The following MTA3 variants were observed in gnomAD, a reference collection of about 807,000 sequenced individuals.
The protein encoded by MTA3 is metastasis-associated protein MTA3.
In MTA3, 34 loss-of-function variants were observed where a neutral mutation model predicts 83.5. The ratio of observed to expected loss-of-function variants is 0.41; its 90% CI spans 0.31 to 0.54. The LOEUF is 0.54. Among genes scored for constraint, MTA3 ranks in the 20% least tolerant of loss-of-function variants. MTA3 has a pLI of 0.33. For missense variants in MTA3, 761 were observed against 726.4 expected (o/e 1.05, Z -0.55); for synonymous variants, 303 against 252.7 (o/e 1.20, Z -1.89).
chr2:42,572,981 G>A (rs1461002470), intron 2 of MTA3, among the ~76,000 whole-genome samples: 2 of 152,122 alleles, frequency 1.3e-5, no homozygotes, highest in Non-Finnish European at 1.5e-5. Flanking sequence ...ACCCGCCCCA[G>A]CCTCCCAAAG....
At chr2:42,558,713 ATT>A (rs894258388) in intron 2 of MTA3, among the ~76,000 whole-genome samples, 1 of 139,952 alleles carries the variant, frequency 7.1e-6, no homozygotes, top group Admixed American at 7.3e-5. Flanking sequence ...ACGCCCCGCT[ATT>A]TTTTTTTTTT....
intron 4 of MTA3, among the ~76,000 whole-genome samples, chr2:42,621,987 A>G (rs1274655505): frequency 5.9e-5 from 9 of 152,040 alleles, no homozygotes; most frequent in African/African-American, 2.2e-4. Context: ...GACGCTCCTC[A>G]CTTCCCAGAC....
At chr2:42,639,858 G>A (rs1194959183) in intron 4 of MTA3, among the ~76,000 whole-genome samples, 2 of 152,084 alleles carry the variant, frequency 1.3e-5, no homozygotes, top group Admixed American at 6.6e-5. Flanking sequence ...CTCTTAGTCT[G>A]AAGTTCTCAT....
chr2:42,706,661 T>C (rs544627570), intron 12 of MTA3, among the ~76,000 whole-genome samples: 1 of 152,358 alleles, frequency 6.6e-6, no homozygotes, highest in African/African-American at 2.4e-5. Context: ...TCAACCTCAA[T>C]GTTTTCTCTT....
chr2:42,613,288 C>A (rs1184710023), intron 4 of MTA3, among the ~76,000 whole-genome samples: 1 of 152,092 alleles, frequency 6.6e-6, no homozygotes, highest in Admixed American at 6.6e-5. Flanking sequence ...GGTGGTAATT[C>A]CTTTGAATTA....
At chr2:42,657,113 A>G (rs1023141891) in intron 7 of MTA3, among the ~76,000 whole-genome samples, 1 of 152,264 alleles carries the variant, frequency 6.6e-6, no homozygotes, top group African/African-American at 2.4e-5. Flanking sequence ...TAACAAATTT[A>G]TAATATTTAT....
At chr2:42,505,987 A>T (rs1674612269) in intron 2 of MTA3, among the ~76,000 whole-genome samples, 1 of 151,752 alleles carries the variant, frequency 6.6e-6, no homozygotes, top group African/African-American at 2.4e-5. Context: ...CTGGTCTCGA[A>T]CTCCTGACCT....
chr2:42,615,504 C>G (rs1019342292), intron 4 of MTA3, among the ~76,000 whole-genome samples: 1 of 151,086 alleles, frequency 6.6e-6, no homozygotes, highest in Non-Finnish European at 1.5e-5. Flanking sequence ...TACAGGCATG[C>G]GCCAGCGTGC....
chr2:42,572,451 T>C (rs1168688203), intron 2 of MTA3, among the ~76,000 whole-genome samples: 4 of 151,976 alleles, frequency 2.6e-5, no homozygotes, highest in Non-Finnish European at 5.9e-5. Flanking sequence ...TGATGGCACA[T>C]GCCTGTAGTC....
At chr2:42,724,834 C>T (rs896197121) in intron 16 of MTA3, among the ~76,000 whole-genome samples, 1 of 152,116 alleles carries the variant, frequency 6.6e-6, no homozygotes, top group Non-Finnish European at 1.5e-5. Flanking sequence ...TGTAGTGTTC[C>T]CTCTCTAGGG....
intron 3 of MTA3, among the ~76,000 whole-genome samples, chr2:42,585,550 C>T (rs956146057): frequency 1.3e-5 from 2 of 148,720 alleles, no homozygotes; most frequent in Non-Finnish European, 3.0e-5. Context: ...TCTCAGCTCA[C>T]TGCAACCTCC....
intron 4 of MTA3, among the ~76,000 whole-genome samples, chr2:42,611,767 G>A (rs758749993): frequency 6.6e-6 from 1 of 152,078 alleles, no homozygotes; most frequent in Non-Finnish European, 1.5e-5. Flanking sequence ...GTGAGCCACA[G>A]TTATACCACC....
rs79139747 is a variant in MTA3, at chr2:42,713,641, T to C, written c.1525+4545T>C. Among the ~76,000 whole-genome samples the C allele has an allele frequency of 1.9e-3, 285 of 152,238 alleles. 1 individual carries two copies. The highest frequency in any genetic ancestry group is 6.5e-3 in the African/African-American group (270 of 41,544). ...AAGTATCCAAAAAATATTCTGTGCA[T>C]CTATAAGAGTCTAAGTAGGCTTATT... is the stretch of plus-strand genomic sequence containing the variant. On this transcript the variant is annotated intron_variant, in intron 14 of 16. Transcript: ENST00000405094.
chr2:42,601,808 T>G (rs1300006721), intron 3 of MTA3, among the ~76,000 whole-genome samples: 2 of 152,102 alleles, frequency 1.3e-5, no homozygotes, highest in Non-Finnish European at 2.9e-5. Context: ...GCCTCTGGAG[T>G]AGCTAGGATT....
At chr2:42,541,678 G>T (rs1676521356) in intron 2 of MTA3, among the ~76,000 whole-genome samples, 3 of 152,164 alleles carry the variant, frequency 2.0e-5, no homozygotes, top group Non-Finnish European at 4.4e-5. Flanking sequence ...CAGTTGAGGG[G>T]CATCTGTAGA....
At position 42,532,742 on chromosome 2, in the gene MTA3, T is replaced by C. The variant is rs1676036096; in HGVS notation, c.-141+37488T>C. ...AAACATTTTTACAATCCAGAGGTTT[T>C]TTTTTTTTTAAACACCTATTATGCA... On this transcript the variant is annotated intron_variant, in intron 2 of 17. Coordinates refer to the MTA3 transcript ENST00000405592. 6.1e-5 allele frequency: 14 copies of C among 231,396 alleles called. No homozygotes were observed. In the South Asian group the frequency reaches 9.9e-4, roughly 16 times the overall value. 14.3% of individuals were successfully genotyped at this position (231,396 alleles called of 1,614,324 possible). A position where few individuals can be genotyped will look rare whatever the true frequency, so the allele number is the denominator to read the frequency against.
At chr2:42,646,040 C>T (rs1355536578) in intron 6 of MTA3, among the ~76,000 whole-genome samples, 1 of 152,210 alleles carries the variant, frequency 6.6e-6, no homozygotes, top group Non-Finnish European at 1.5e-5. Context: ...CCAAAAATCC[C>T]AGACCTCTTA....
intron 2 of MTA3, among the ~76,000 whole-genome samples, chr2:42,545,724 G>C (rs1001625955): frequency 6.6e-6 from 1 of 152,204 alleles, no homozygotes; most frequent in African/African-American, 2.4e-5. Context: ...TAGATTGCAT[G>C]ATGTGTACCT....
intron 2 of MTA3, among the ~76,000 whole-genome samples, chr2:42,563,007 G>C (rs1677740568): frequency 6.6e-6 from 1 of 151,892 alleles, no homozygotes; most frequent in African/African-American, 2.4e-5. Context: ...TGCCTCCCTA[G>C]AGTCACCAGA....
Sources: gnomAD v4.1 joint callset for allele counts (sites outside exome capture counted in the v4.1 genomes callset) on GRCh38, gnomAD v4.1.1 for gene constraint, MANE v1.5 for transcripts, NCBI Gene and HGNC (gene_info 2026-07-23, HGNC 2026-07-21) for gene names.